Variants in ACAN observed in about 807,000 individuals in gnomAD.
ACAN encodes the protein aggrecan core protein.
Under a neutral mutation model 169.1 loss-of-function variants are expected in ACAN, and 47 were observed. The observed-to-expected ratio is 0.28, with a 90% CI of 0.22 to 0.35. The LOEUF is 0.35. ACAN is among the 10% of genes least tolerant of loss of function. The pLI is 1.00. For synonymous variants in ACAN, 1,115 were observed against 1,112.2 expected, an observed-to-expected ratio of 1.00 and a Z score of -0.05; for missense variants, 2,716 against 2,759.9, an observed-to-expected ratio of 0.98 and a Z score of 0.36.
chr15:88,873,909 G>T lies in ACAN; in HGVS notation c.7515G>T (p.Glu2505Asp), dbSNP rs1455683103. Residue 2505 changes from glutamate (E) to aspartate (D), a missense_variant, in exon 18 of 19, where the codon GAG becomes GAT. Glu to Asp is a conservative substitution (Grantham distance 45). Transcript: ENST00000560601. This position sits in a 1 kb window ranked among gnomAD's most constrained non-coding sequence, Gnocchi z 7.5. Reference sequence around the variant, plus strand: ...TCGGGCAGAAGAAGGACCGGTATGAGATCAATTCCCTGGTGCGGTACCAGT... The same window carrying T: ...TCGGGCAGAAGAAGGACCGGTATGATATCAATTCCCTGGTGCGGTACCAGT... The part of the protein sequence containing the change: ...RTFGQKKDRY[E>D]INSLVRYQCT... 1 of 1,613,846 alleles carries T rather than the reference G, an allele frequency of 6.2e-7. No homozygotes were observed. The highest frequency in any genetic ancestry group is 8.5e-7 in the Non-Finnish European group (1 of 1,179,900).
chr15:88,852,115 G>A (rs1275386143), intron 11 of ACAN, 82 bp downstream of exon 11: 7 of 1,498,832 alleles, frequency 4.7e-6, no homozygotes, highest in African/African-American at 4.2e-5. Context: ...GGGCGGGGGG[G>A]TTCCCTCCCT....
rs532345323 is a variant in ACAN, at chr15:88,839,681, T to C, written c.455-331T>C. 6.6e-6 allele frequency among the ~76,000 whole-genome samples: 1 copy of C among 152,334 alleles called. No homozygotes were observed. The highest frequency in any genetic ancestry group is 1.5e-5 in the Non-Finnish European group (1 of 68,026). ...GGGTGCAGGGCATTCTGAGTGTCTG[T>C]TTCTCTTAATGCAATATGGGGGTCT... is the stretch of plus-strand genomic sequence containing the variant. On this transcript the variant is annotated intron_variant, in intron 3 of 18. Coordinates refer to ENST00000560601, the MANE Select transcript of ACAN (RefSeq NM_001369268.1). The surrounding 1 kb of genome is among the most constrained non-coding windows in gnomAD (Gnocchi z 4.5).
At chr15:88,853,131 CTG>C (rs755598011) in intron 11 of ACAN, among the ~76,000 whole-genome samples, 72 of 152,316 alleles carry the variant, frequency 4.7e-4, no homozygotes, top group Middle Eastern at 3.4e-3. Context: ...AGAAGAATGA[CTG>C]AGTCCTCTTT....
chr15:88,845,898 TGG>T lies in ACAN; in HGVS notation c.1429+18_1429+19del. The T allele has an allele frequency of 6.9e-7, 1 of 1,444,944 alleles. No individual in the cohort carries two copies. The highest frequency in any genetic ancestry group is 2.5e-5 in the East Asian group (1 of 39,826). 89.5% of individuals were successfully genotyped at this position (1,444,944 alleles called of 1,614,324 possible). A position where few individuals can be genotyped will look rare whatever the true frequency, so the allele number is the denominator to read the frequency against. On this transcript the variant is annotated intron_variant, in intron 7 of 18. Coordinates refer to ENST00000560601, the MANE Select transcript of ACAN (RefSeq NM_001369268.1). ...TTGCCAGGGGGTAAGTAGCTGCCCG[TGG>T]GTGCATCCAGGGGCAGGTGGAGAGA...
chr15:88,804,471 C>T (rs546393361), intron 1 of ACAN, among the ~76,000 whole-genome samples: 23 of 152,240 alleles, frequency 1.5e-4, no homozygotes, highest in African/African-American at 5.5e-4. Flanking sequence ...AGAGCAGTGC[C>T]CTGAACACAC....
rs1189816083 is a variant in ACAN at position 88,838,718 on chromosome 15, C to G, written c.126C>G (p.Leu42=). 1.9e-6 allele frequency: 3 copies of G among 1,610,748 alleles called. No homozygotes were observed. Among genetic ancestry groups the G allele is most frequent in the Non-Finnish European group, 2.5e-6 (3 of 1,177,732 alleles). ...CCCAACCGTCCCCGCTGAGGGTCCT[C>G]CTGGGGACCTCCCTCACCATCCCCT... ...SIPQPSPLRV[L]LGTSLTIPCY... is the part of the protein sequence containing the mutation. Residue 42 remains leucine, a synonymous_variant, in exon 3 of 19, where the codon CTC becomes CTG. Transcript: ENST00000560601. The surrounding 1 kb of genome is among the most constrained non-coding windows in gnomAD (Gnocchi z 5.1).
chr15:88,864,377 C>T (rs1433107630), intron 13 of ACAN, among the ~76,000 whole-genome samples: 2 of 151,978 alleles, frequency 1.3e-5, no homozygotes, highest in Non-Finnish European at 2.9e-5. Context: ...AAGCGATTCT[C>T]CTGCCTCAGC....
In ACAN at chr15:88,849,807, C is replaced by T; in HGVS notation, c.2026+76C>T. On this transcript the variant is annotated intron_variant, in intron 10 of 18. Transcript: ENST00000560601. This position sits in a 1 kb window ranked among gnomAD's most constrained non-coding sequence, Gnocchi z 5.1. ...CCACTGGGTTCACCGGATCCTGCCACCACCCAGTATCCCATCCATCAGAGC... is the reference window on the plus strand; with the variant it reads ...CCACTGGGTTCACCGGATCCTGCCATCACCCAGTATCCCATCCATCAGAGC... The T allele has an allele frequency of 6.5e-7, 1 of 1,535,948 alleles. No individual in the cohort carries two copies. The highest frequency in any genetic ancestry group is 1.2e-5 in the South Asian group (1 of 84,902).
At chr15:88,827,378 C>A (rs1331988146) in intron 1 of ACAN, among the ~76,000 whole-genome samples, 1 of 152,242 alleles carries the variant, frequency 6.6e-6, no homozygotes, top group Non-Finnish European at 1.5e-5. Flanking sequence ...CACTGCAGAA[C>A]AAATGACCAT....
chr15:88,816,296 C>T (rs1434315894), intron 1 of ACAN, among the ~76,000 whole-genome samples: 1 of 152,172 alleles, frequency 6.6e-6, no homozygotes, highest in African/African-American at 2.4e-5. Context: ...ACATATAACA[C>T]CCTTTATTGA....
chr15:88,844,196 G>A (rs1316688099), intron 6 of ACAN, among the ~76,000 whole-genome samples: 1 of 151,736 alleles, frequency 6.6e-6, no homozygotes, highest in African/African-American at 2.4e-5. Flanking sequence ...GTTCAGTGGT[G>A]TAATCATAGC....
In ACAN at chr15:88,849,366, T is replaced by C; in HGVS notation, c.1733-72T>C. The C allele has an allele frequency of 7.0e-7, 1 of 1,418,498 alleles. No individual in the cohort carries two copies. The highest frequency in any genetic ancestry group is 1.4e-5 in the South Asian group (1 of 69,640). The allele number at this position is 1,418,498 out of a possible 1,614,324, so 87.9% of individuals were successfully genotyped here. A position where few individuals can be genotyped will look rare whatever the true frequency, so the allele number is the denominator to read the frequency against. On this transcript the variant is annotated intron_variant, in intron 9 of 18. Transcript: ENST00000560601. This position sits in a 1 kb window ranked among gnomAD's most constrained non-coding sequence, Gnocchi z 5.1. ...GGTGAGGAGGGTTAGAGGAACTCTGTCCTGGGTGGGCAGGGATGGACCTGG... is the reference window on the plus strand; with the variant it reads ...GGTGAGGAGGGTTAGAGGAACTCTGCCCTGGGTGGGCAGGGATGGACCTGG...
chr15:88,818,920 G>A (rs1449189965), intron 1 of ACAN, among the ~76,000 whole-genome samples: 1 of 152,214 alleles, frequency 6.6e-6, no homozygotes, highest in Non-Finnish European at 1.5e-5. Flanking sequence ...TTTATGTTAT[G>A]TATATTTTAC....
chr15:88,860,238 A>T, intron 12 of ACAN, 88 bp from the exon 13 acceptor site: 1 of 918,898 alleles, frequency 1.1e-6, no homozygotes, highest in South Asian at 1.7e-5. Flanking sequence ...GACTTCAGGA[A>T]CCTCATGCCC....
chr15:88,843,506 C>T lies in ACAN; in HGVS notation c.909C>T (p.Ala303=), dbSNP rs368988256. 4.7e-5 allele frequency: 75 copies of T among 1,612,314 alleles called. No individual in the cohort carries two copies. The highest frequency in any genetic ancestry group is 1.6e-4 in the Middle Eastern group (1 of 6,062). Residue 303 remains alanine, a synonymous_variant, in exon 6 of 19, where the codon GCC becomes GCT. Coordinates refer to ENST00000560601, the MANE Select transcript of ACAN (RefSeq NM_001369268.1). This position sits in a 1 kb window ranked among gnomAD's most constrained non-coding sequence, Gnocchi z 4.0. The stretch of plus-strand genomic sequence containing the variant: ...ACATGTGCAGCGCCGGCTGGCTGGC[C>T]GACCGCAGCGTGCGCTACCCCATCT... ...GMDMCSAGWL[A]DRSVRYPISK... is the part of the protein sequence containing the mutation.
At chr15:88,867,065 C>T (rs1039104822) in intron 13 of ACAN, among the ~76,000 whole-genome samples, 8 of 152,160 alleles carry the variant, frequency 5.3e-5, no homozygotes, top group African/African-American at 1.9e-4. Context: ...ATCATGTTCC[C>T]AGGGGAGGAA....
Position 88,858,997 on chromosome 15 carries a change from G to A in ACAN, c.6412G>A (p.Glu2138Lys), listed in dbSNP as rs371628768. 199 of 1,613,940 alleles carry A rather than the reference G, an allele frequency of 1.2e-4. 1 individual carries two copies. The African/African-American group carries it at 1.4e-3, about 12-fold the overall frequency. ...GAGTGAAACCACCTCTGCATTCCAC[G>A]AAGCTAACCTTGAGAGATCCTCTGG... is the stretch of plus-strand genomic sequence containing the variant. ...DLSETTSAFH[E>K]ANLERSSGLG... Residue 2138 changes from glutamate (E) to lysine (K), a missense_variant, in exon 12 of 19, where the codon GAA (glutamate) becomes AAA (lysine). Transcript: ENST00000560601. The surrounding 1 kb of genome is among the most constrained non-coding windows in gnomAD (Gnocchi z 4.0).
rs1248549929 is a variant in ACAN at position 88,838,314 on chromosome 15, G to C, written c.71-349G>C. Among the ~76,000 whole-genome samples, 1 of 152,174 alleles carries C rather than the reference G, an allele frequency of 6.6e-6. No homozygotes were observed. The highest frequency in any genetic ancestry group is 6.5e-5 in the Admixed American group (1 of 15,288). On this transcript the variant is annotated intron_variant, in intron 2 of 18. Transcript: ENST00000560601. The surrounding 1 kb of genome is among the most constrained non-coding windows in gnomAD (Gnocchi z 5.1). ...CTGTCACTCCAAGGAGATGGGTCCTGTTTTATTCCACGCTTTGGTGCCCAC... is the reference window on the plus strand; with the variant it reads ...CTGTCACTCCAAGGAGATGGGTCCTCTTTTATTCCACGCTTTGGTGCCCAC...
At chr15:88,817,030 C>G (rs895187353) in intron 1 of ACAN, among the ~76,000 whole-genome samples, 1 of 152,344 alleles carries the variant, frequency 6.6e-6, no homozygotes, top group Admixed American at 6.5e-5. Flanking sequence ...CGGCTGCCAC[C>G]TTGGTCACTG....
Sources: gnomAD v4.1 joint callset for allele counts (sites outside exome capture counted in the v4.1 genomes callset) on GRCh38, gnomAD v4.1.1 for gene constraint, Gnocchi (gnomAD v3.1) non-coding constraint, MANE v1.5 for transcripts, NCBI Gene and HGNC (gene_info 2026-07-23, HGNC 2026-07-21) for gene names.